Variants in ZCCHC8 observed in about 807,000 individuals in gnomAD.
ZCCHC8 encodes the protein zinc finger CCHC-type containing 8, also known as zinc finger CCHC domain-containing protein 8.
In ZCCHC8, 27 loss-of-function variants were observed where a neutral mutation model predicts 70.6. The ratio of observed to expected loss-of-function variants is 0.38; its 90% CI spans 0.28 to 0.53. The LOEUF is 0.53. ZCCHC8 is among the 20% of genes least tolerant of loss of function. The pLI, the probability that ZCCHC8 is intolerant of heterozygous loss-of-function variation, is 0.81. For synonymous variants in ZCCHC8, 293 were observed against 317.4 expected, an observed-to-expected ratio of 0.92 and a Z score of 0.82; for missense variants, 737 against 876.9, an observed-to-expected ratio of 0.84 and a Z score of 2.01.
At chr12:122,494,647 C>A (rs569873771) in intron 2 of ZCCHC8, among the ~76,000 whole-genome samples, 1 of 151,732 alleles carries the variant, frequency 6.6e-6, no homozygotes, top group Admixed American at 6.6e-5. Flanking sequence ...CAAGGTCAGG[C>A]GATGGAGACC....
At chr12:122,484,414 A>ATTT (rs59816817) in intron 5 of ZCCHC8, among the ~76,000 whole-genome samples, 3 of 138,804 alleles carry the variant, frequency 2.2e-5, no homozygotes, top group East Asian at 2.1e-4. Context: ...ATACTCTTTA[A>ATTT]TTTTTTTTTT....
At chr12:122,475,394 A>C (rs2137320853) in intron 13 of ZCCHC8, among the ~76,000 whole-genome samples, 1 of 152,290 alleles carries the variant, frequency 6.6e-6, no homozygotes, top group Admixed American at 6.5e-5. Flanking sequence ...GCAGGTTCAC[A>C]TATCTAACTG....
At position 122,477,905 on chromosome 12, in the gene ZCCHC8, A is replaced by G; in HGVS notation, c.1281T>C (p.Ser427=). 6.2e-7 allele frequency: 1 copy of G among 1,613,696 alleles called. No individual in the cohort carries two copies. Among genetic ancestry groups the G allele is most frequent in the South Asian group, 1.1e-5 (1 of 91,070 alleles). Residue 427 remains serine (S), a synonymous_variant, in exon 13 of 14, where the codon AGT becomes AGC. Coordinates refer to ENST00000633063, the MANE Select transcript of ZCCHC8 (RefSeq NM_017612.5). ...TGCTTTCATTCTTCTGCTTCTTTGG[A>G]CTACCTGGGCTAGAGTGAGATGAAG... is the stretch of plus-strand genomic sequence containing the variant. ...KRSSSHSSPG[S]PKKQKNESNS...
At chr12:122,476,354 A>C (rs550299429) in intron 13 of ZCCHC8, among the ~76,000 whole-genome samples, 10 of 152,278 alleles carry the variant, frequency 6.6e-5, no homozygotes, top group Non-Finnish European at 1.0e-4. Context: ...TAACATTGGG[A>C]GGCTGAGGCA....
At chr12:122,497,666 C>A (rs1227696884) in intron 2 of ZCCHC8, among the ~76,000 whole-genome samples, 1 of 152,012 alleles carries the variant, frequency 6.6e-6, no homozygotes, top group Non-Finnish European at 1.5e-5. Flanking sequence ...AGATTAGTGA[C>A]CTGTTAAATA....
chr12:122,498,575 T>C (rs550361974), intron 2 of ZCCHC8, among the ~76,000 whole-genome samples: 5 of 152,322 alleles, frequency 3.3e-5, no homozygotes, highest in South Asian at 4.1e-4. Flanking sequence ...TTCTGAACAT[T>C]AAGTAAACAT....
chr12:122,495,377 G>C (rs749709335), intron 2 of ZCCHC8, among the ~76,000 whole-genome samples: 1 of 152,112 alleles, frequency 6.6e-6, no homozygotes, highest in Non-Finnish European at 1.5e-5. Flanking sequence ...AGTAGCCCCA[G>C]CTACTCGGGA....
rs1395482783 is a variant in ZCCHC8, at chr12:122,473,145, T to C, written c.*352A>G. ...CTTTTAAAAAGTGATATATTAAACT[T>C]ATATACAGGATAATTAGCAAAATGT... On this transcript the variant is annotated 3_prime_UTR_variant, in exon 14 of 14. Transcript: ENST00000633063. The C allele has an allele frequency of 1.1e-5, 2 of 189,164 alleles. No homozygotes were observed. The highest frequency in any genetic ancestry group is 2.2e-5 in the Non-Finnish European group (2 of 90,710). The allele number at this position is 189,164 out of a possible 1,614,324, so 11.7% of individuals were successfully genotyped here.
chr12:122,500,702 C>T lies in ZCCHC8; in HGVS notation c.139G>A (p.Ala47Thr). 6.3e-7 allele frequency: 1 copy of T among 1,581,526 alleles called. No individual in the cohort carries two copies. The highest frequency in any genetic ancestry group is 8.6e-7 in the Non-Finnish European group (1 of 1,164,354). Residue 47 changes from alanine to threonine, a missense_variant, in exon 1 of 14, where the codon GCG becomes ACG. Coordinates refer to ENST00000633063, the MANE Select transcript of ZCCHC8 (RefSeq NM_017612.5). This position sits in a 1 kb window ranked among gnomAD's most constrained non-coding sequence, Gnocchi z 4.8. ...DEEDENGVGD[A>T]ELRERLRQCE... The stretch of plus-strand genomic sequence containing the variant: ...TGCCGAAGCCGCTCCCGTAGCTCCG[C>T]GTCGCCGACCCCATTTTCGTCCTCC...
At chr12:122,498,975 A>C in intron 1 of ZCCHC8, 106 bp from the exon 2 acceptor site, 4 of 1,058,788 alleles carry the variant, frequency 3.8e-6, no homozygotes, top group Admixed American at 2.1e-5. Context: ...AAGACAAAAG[A>C]CCCACGGATA....
rs1222504420 is a variant in ZCCHC8 at position 122,481,533 on chromosome 12, T to C, written c.1007A>G (p.Tyr336Cys). Residue 336 changes from tyrosine (Y) to cysteine (C), a missense_variant, in exon 10 of 14, where the codon TAT (tyrosine) becomes TGT (cysteine). Physicochemically the swap from Tyr to Cys is radical, Grantham distance 194 (BLOSUM62 -2). Transcript: ENST00000633063. ...TTAAGATACTATACCTTTTCCATCA[T>C]AGAGTGCAAGCCCCGAATTCTCCAA... ...AELENSGLAL[Y>C]DGKDGTDGET... 3 of 1,612,854 alleles carry C rather than the reference T, an allele frequency of 1.9e-6. No homozygotes were observed. Among genetic ancestry groups the C allele is most frequent in the Admixed American group, 1.7e-5 (1 of 59,792 alleles).
At chr12:122,489,246 A>T (rs2067496426) in intron 5 of ZCCHC8, 140 bp downstream of exon 5, 1 of 688,098 alleles carries the variant, frequency 1.5e-6, no homozygotes, top group Admixed American at 3.1e-5. Flanking sequence ...CTAAAGTCCA[A>T]ACTGCTATTT....
Position 122,483,298 on chromosome 12 carries a change from T to G in ZCCHC8, c.652A>C (p.Ile218Leu). The change falls in exon 7 of 14, where the codon ATA becomes CTA. Residue 218 changes from isoleucine to leucine, a missense_variant. By Grantham distance (5) the Ile-to-Leu change is conservative. Transcript: ENST00000633063. The surrounding 1 kb of genome is among the most constrained non-coding windows in gnomAD (Gnocchi z 4.4). The stretch of plus-strand genomic sequence containing the variant: ...ACAAACCTTTTTGCCTTTACTTGTA[T>G]TTCTTGCCCTTCTAGAGAAACAATG... ...SHIVSLEGQE[I>L]QVKAKRPKPH... The G allele has an allele frequency of 6.3e-7, 1 of 1,599,268 alleles. No homozygotes were observed. Among genetic ancestry groups the G allele is most frequent in the Non-Finnish European group, 8.5e-7 (1 of 1,171,818 alleles).
Position 122,473,569 on chromosome 12 carries a change from C to T in ZCCHC8, c.2052G>A (p.Met684Ile). Residue 684 changes from methionine (M) to isoleucine (I), a missense_variant, in exon 14 of 14, where the codon ATG becomes ATA. Physicochemically the swap from Met to Ile is conservative, Grantham distance 10. Coordinates refer to ENST00000633063, the MANE Select transcript of ZCCHC8 (RefSeq NM_017612.5). ...TTAACAAGCTTCTTATCCTGAGGTACATTCCAGTAGATTCTGCCATATTCT... is the reference window on the plus strand; with the variant it reads ...TTAACAAGCTTCTTATCCTGAGGTATATTCCAGTAGATTCTGCCATATTCT... ...EFENMAESTG[M>I]YLRIRSLLKN... The T allele has an allele frequency of 4.3e-6, 7 of 1,614,004 alleles. No individual in the cohort carries two copies. The highest frequency in any genetic ancestry group is 5.1e-6 in the Non-Finnish European group (6 of 1,179,892).
chr12:122,485,908 C>CAT (rs894043782), intron 5 of ZCCHC8, among the ~76,000 whole-genome samples: 1 of 152,152 alleles, frequency 6.6e-6, no homozygotes, highest in African/African-American at 2.4e-5. Context: ...CTTTTGCTCT[C>CAT]ATATTCTGCG....
rs530155949 is a variant in ZCCHC8, at chr12:122,490,043, A to T, written c.423+419T>A. On this transcript the variant is annotated intron_variant, in intron 4 of 13. Transcript: ENST00000633063. Reference sequence around the variant, plus strand: ...TCCTCTCTCTCTCTCTCTTTTTTTTAAAACATAAATGCGTGATCTAATATT... The same window carrying T: ...TCCTCTCTCTCTCTCTCTTTTTTTTTAAACATAAATGCGTGATCTAATATT... Among the ~76,000 whole-genome samples the T allele has an allele frequency of 1.2e-4, 18 of 151,394 alleles. No homozygotes were observed. The South Asian group carries it at 3.5e-3, about 30-fold the overall frequency.
chr12:122,480,256 A>C lies in ZCCHC8; in HGVS notation c.1074T>G (p.Thr358=). The C allele has an allele frequency of 6.2e-7, 1 of 1,607,898 alleles. No individual in the cohort carries two copies. The highest frequency in any genetic ancestry group is 8.5e-7 in the Non-Finnish European group (1 of 1,176,422). The change falls in exon 11 of 14, where the codon ACT becomes ACG. Residue 358 remains threonine, a synonymous_variant. Coordinates refer to ENST00000633063, the MANE Select transcript of ZCCHC8 (RefSeq NM_017612.5). ...VGEIQQNKSV[T]YDLSKLVNYP... is the part of the protein sequence containing the mutation. Reference sequence around the variant, plus strand: ...AGTTGACCAATTTTGAGAGATCGTAAGTGACACTTTTATTCTGTTGTATTT... The same window carrying C: ...AGTTGACCAATTTTGAGAGATCGTACGTGACACTTTTATTCTGTTGTATTT...
intron 2 of ZCCHC8, among the ~76,000 whole-genome samples, chr12:122,494,207 T>C (rs943800629): frequency 1.3e-5 from 2 of 152,148 alleles, no homozygotes; most frequent in Non-Finnish European, 2.9e-5. Flanking sequence ...TCTTTTCCTG[T>C]ACAGCATGTG....
intron 12 of ZCCHC8, 116 bp from the exon 13 acceptor site, chr12:122,478,074 T>A (rs1345804794): frequency 8.3e-7 from 1 of 1,208,026 alleles, no homozygotes; most frequent in African/African-American, 1.5e-5. Context: ...AGGTAATTGG[T>A]GAATTTTGCC....
Sources: gnomAD v4.1 joint callset for allele counts (sites outside exome capture counted in the v4.1 genomes callset) on GRCh38, gnomAD v4.1.1 for gene constraint, Gnocchi (gnomAD v3.1) non-coding constraint, MANE v1.5 for transcripts, NCBI Gene and HGNC (gene_info 2026-07-23, HGNC 2026-07-21) for gene names.